The following ALLC variants were observed in gnomAD, a reference collection of about 807,000 sequenced individuals.
The protein encoded by ALLC is allantoicase.
A neutral mutation model predicts 45.0 loss-of-function variants in ALLC; 40 were observed. That is an observed-to-expected ratio of 0.89 (90% CI 0.69 to 1.16). The LOEUF is 1.16. ALLC is among the 50% of genes most tolerant of loss of function. The probability of loss-of-function intolerance (pLI) is 0.00; values close to 1 mark genes in which losing one functional copy is unlikely to be tolerated. For missense variants in ALLC, 488 were observed against 493.1 expected, an observed-to-expected ratio of 0.99 and a Z score of 0.10; for synonymous variants, 176 against 178.1, an observed-to-expected ratio of 0.99 and a Z score of 0.09.
chr2:3,646,218 C>T, the ALLC span, among the ~76,000 whole-genome samples: 1 of 152,198 alleles, frequency 6.6e-6, no homozygotes, highest in Admixed American at 6.5e-5. Context: ...CTCCCTGTAA[C>T]GGACCCACTG....
At chr2:3,689,095 A>AT (rs982298155) in intron 7 of ALLC, 1 of 150,634 alleles carries the variant, frequency 6.6e-6, no homozygotes, top group Non-Finnish European at 1.5e-5. Flanking sequence ...TCTATTTCTG[A>AT]TTTTTTGGGG....
In ALLC at chr2:3,702,604, C is replaced by A. The variant is rs1484157401; in HGVS notation, c.*41C>A. 1.3e-6 allele frequency: 2 copies of A among 1,494,100 alleles called. No individual in the cohort carries two copies. Among genetic ancestry groups the A allele is most frequent in the Admixed American group, 4.8e-5 (2 of 42,018 alleles). The allele number at this position is 1,494,100 out of a possible 1,614,324, so 92.6% of individuals were successfully genotyped here. A position where few individuals can be genotyped will look rare whatever the true frequency, so the allele number is the denominator to read the frequency against. On this transcript the variant is annotated 3_prime_UTR_variant, in exon 12 of 12. Transcript: ENST00000252505. ...GGTGTCGGACACACAGCAGTAATTT[C>A]CCAGTCATAGTCTTCTTTTCAAATG...
At chr2:3,691,247 T>A (rs1340052292) in intron 7 of ALLC, among the ~76,000 whole-genome samples, 1 of 151,880 alleles carries the variant, frequency 6.6e-6, no homozygotes, top group Non-Finnish European at 1.5e-5. Flanking sequence ...GATATTTTTA[T>A]CCTTGACTTT....
At chr2:3,651,309 TG>T in the ALLC span, among the ~76,000 whole-genome samples, 460 of 11,524 alleles carry the variant, frequency 0.04, 35 homozygotes, top group South Asian at 0.08. Flanking sequence ...GGTGGGTGGG[TG>T]GGTGGGGGGG....
chr2:3,689,440 A>G (rs982153790), intron 7 of ALLC, among the ~76,000 whole-genome samples: 8 of 150,816 alleles, frequency 5.3e-5, no homozygotes, highest in African/African-American at 1.9e-4. Context: ...GCATTTTTAA[A>G]ATTTCCTTCT....
chr2:3,687,128 G>A (rs1001780645), intron 7 of ALLC, among the ~76,000 whole-genome samples: 1 of 150,502 alleles, frequency 6.6e-6, no homozygotes, highest in African/African-American at 2.4e-5. Context: ...CCAATTTATT[G>A]AGGGTTTTTT....
chr2:3,693,272 A>G (rs1667569708), intron 7 of ALLC, among the ~76,000 whole-genome samples: 1 of 152,198 alleles, frequency 6.6e-6, no homozygotes, highest in African/African-American at 2.4e-5. Context: ...CTGTCATGCC[A>G]GAAGTGGTTC....
intron 7 of ALLC, chr2:3,688,910 G>A (rs368169353): frequency 5.4e-6 from 1 of 185,194 alleles, no homozygotes. Context: ...TATCCACTTT[G>A]CCAGAGCTAA....
chr2:3,678,487 A>G lies in ALLC; in HGVS notation c.104A>G (p.Lys35Arg), dbSNP rs750368846. ...NLIKSDSPCF[K>R]EHEYTEFGKW... is the part of the protein sequence containing the mutation. Reference sequence around the variant, plus strand: ...CCCTAGAGTGACAGCCCGTGCTTCAAAGAGCATGAATATACGGAGTTTGGG... The same window carrying G: ...CCCTAGAGTGACAGCCCGTGCTTCAGAGAGCATGAATATACGGAGTTTGGG... Residue 35 changes from lysine (K) to arginine (R), a missense_variant, in exon 4 of 12, where the codon AAA becomes AGA. Physicochemically the swap from Lys to Arg is conservative, Grantham distance 26. Coordinates refer to ENST00000252505, the MANE Select transcript of ALLC (RefSeq NM_018436.4). 5.0e-6 allele frequency: 8 copies of G among 1,614,018 alleles called. No homozygotes were observed. Among genetic ancestry groups the G allele is most frequent in the East Asian group, 4.5e-5 (2 of 44,890 alleles).
At chr2:3,695,497 A>G (rs1667639634) in intron 7 of ALLC, 8 of 555,352 alleles carry the variant, frequency 1.4e-5, no homozygotes, top group Admixed American at 3.3e-5. Context: ...GGTGAGGAAC[A>G]TAAGTAATCT....
At chr2:3,647,961 A>G in the ALLC span, among the ~76,000 whole-genome samples, 2 of 152,300 alleles carry the variant, frequency 1.3e-5, no homozygotes, top group Admixed American at 6.5e-5. Flanking sequence ...TAACCAATCC[A>G]ATGCCAAGTC....
chr2:3,682,616 C>T (rs1029898953), intron 6 of ALLC, among the ~76,000 whole-genome samples: 7 of 152,188 alleles, frequency 4.6e-5, no homozygotes, highest in East Asian at 1.9e-4. Context: ...AGCTCCGCCT[C>T]CCAGGTTCAC....
At chr2:3,662,690 C>T (rs189672408) in intron 1 of ALLC, among the ~76,000 whole-genome samples, 1 of 152,114 alleles carries the variant, frequency 6.6e-6, no homozygotes, top group East Asian at 1.9e-4. Context: ...TTTAGGGTGT[C>T]CATTACCTGA....
upstream of ALLC, among the ~76,000 whole-genome samples, chr2:3,655,494 T>TA (rs1252362674): frequency 6.6e-6 from 1 of 152,210 alleles, no homozygotes; most frequent in Non-Finnish European, 1.5e-5. Context: ...CTCACTCTAT[T>TA]GCCCAGGCTG....
Position 3,674,124 on chromosome 2 carries a change from AG to A in ALLC, c.84+1del, listed in dbSNP as rs1180266200. The A allele has an allele frequency of 3.2e-6, 5 of 1,559,556 alleles. No individual in the cohort carries two copies. Among genetic ancestry groups the A allele is most frequent in the Middle Eastern group, 1.8e-4 (1 of 5,578 alleles). On this transcript the variant is annotated frameshift_variant and splice_region_variant, in exon 3 of 12. Coordinates refer to ENST00000252505, the MANE Select transcript of ALLC (RefSeq NM_018436.4). LOFTEE classifies it high-confidence loss of function. ...TTTGCTCCTGCAGAAAACCTCATAA[AG>A]GTATTGTAAATTGACATTCTGCAAT... ...DFFAPAENLI[K>X]SDSPCFKEHE...
intron 10 of ALLC, among the ~76,000 whole-genome samples, chr2:3,701,265 G>A (rs1049765664): frequency 6.6e-6 from 1 of 152,168 alleles, no homozygotes; most frequent in African/African-American, 2.4e-5. Flanking sequence ...AAATGCGCCA[G>A]CCCCTTCACA....
chr2:3,695,834 T>A lies in ALLC; in HGVS notation c.629T>A (p.Phe210Tyr). Residue 210 changes from phenylalanine to tyrosine, a missense_variant, in exon 8 of 12, where the codon TTT becomes TAT. Coordinates refer to ENST00000252505, the MANE Select transcript of ALLC (RefSeq NM_018436.4). ...AIAFGGVCVG[F>Y]SNAKFGHPNN... ...GCTTTTGGGGGTGTCTGTGTAGGAT[T>A]TAGTAATGCTAAGTTTGGGCACCCA... 1 of 1,612,758 alleles carries A rather than the reference T, an allele frequency of 6.2e-7. No homozygotes were observed. The highest frequency in any genetic ancestry group is 1.3e-5 in the African/African-American group (1 of 74,956).
chr2:3,674,104 T>A lies in ALLC; in HGVS notation c.63T>A (p.Ala21=). 6.4e-7 allele frequency: 1 copy of A among 1,562,624 alleles called. No individual in the cohort carries two copies. Among genetic ancestry groups the A allele is most frequent in the Non-Finnish European group, 8.7e-7 (1 of 1,151,008 alleles). Reference sequence around the variant, plus strand: ...TATTTGCAACAGATGACTTTTTTGCTCCTGCAGAAAACCTCATAAAGGTAT... The same window carrying A: ...TATTTGCAACAGATGACTTTTTTGCACCTGCAGAAAACCTCATAAAGGTAT... ...KILFATDDFF[A]PAENLIKSDS... The change falls in exon 3 of 12, where the codon GCT becomes GCA. Residue 21 remains alanine, a synonymous_variant. Transcript: ENST00000252505.
At chr2:3,685,912 A>G (rs1482979777) in intron 7 of ALLC, among the ~76,000 whole-genome samples, 3 of 150,726 alleles carry the variant, frequency 2.0e-5, no homozygotes, top group Non-Finnish European at 4.4e-5. Flanking sequence ...TAGTTTGCAA[A>G]TATATTTTTT....
Sources: allele counts gnomAD v4.1 joint callset (sites outside exome capture counted in the v4.1 genomes callset), GRCh38; gene constraint gnomAD v4.1.1; transcripts MANE v1.5; gene names NCBI Gene and HGNC (gene_info 2026-07-23, HGNC 2026-07-21).